SLX4: variants seen among roughly 807,000 people sequenced by gnomAD.
The protein encoded by SLX4 is structure-specific endonuclease subunit SLX4.
In SLX4, 112 loss-of-function variants were observed where a neutral mutation model predicts 146.2. That is an observed-to-expected ratio of 0.77 (90% CI 0.66 to 0.90). The LOEUF (loss-of-function observed/expected upper bound fraction) is 0.90, where lower values mean the gene tolerates loss of function less well. Ranked by LOEUF, SLX4 falls within the 40% of genes least tolerant of loss-of-function variation. The probability of loss-of-function intolerance (pLI) is 0.00; values close to 1 mark genes in which losing one functional copy is unlikely to be tolerated. For missense variants in SLX4, 2,563 were observed against 2,392.7 expected (o/e 1.07, Z -1.49); for synonymous variants, 1,061 against 997.7 (o/e 1.06, Z -1.20).
rs544449642 is a variant in SLX4, at chr16:3,582,147, C to T, written c.*195G>A. On this transcript the variant is annotated 3_prime_UTR_variant, in exon 15 of 15. Transcript: ENST00000294008. ...AGTGGGTGACATGCTCCAAATGCCA[C>T]CCTAGAAAGCAGAGCCCAGAGGAGG... The T allele has an allele frequency of 1.7e-6, 1 of 603,326 alleles. No homozygotes were observed. The highest frequency in any genetic ancestry group is 1.8e-5 in the African/African-American group (1 of 54,068). 37.4% of individuals were successfully genotyped at this position (603,326 alleles called of 1,614,324 possible).
At chr16:3,594,387 T>TGGAGAAAGGCAGGAGGAGAGAG in intron 10 of SLX4, 66 bp downstream of exon 10, 2 of 1,563,836 alleles carry the variant, frequency 1.3e-6, no homozygotes, top group Non-Finnish European at 1.7e-6. Flanking sequence ...AAGACCTGGT[T>TGGAGAAAGGCAGGAGGAGAGAG]GGAGAAAGGC....
At chr16:3,595,797 G>T in intron 8 of SLX4, 104 bp from the exon 9 acceptor site, 1 of 1,330,456 alleles carries the variant, frequency 7.5e-7, no homozygotes, top group Non-Finnish European at 1.1e-6. Flanking sequence ...GCGGTGCCTC[G>T]GAAGGTGCTT....
intron 13 of SLX4, 32 bp downstream of exon 13, chr16:3,584,737 A>G (rs779534704): frequency 6.6e-7 from 1 of 1,524,440 alleles, no homozygotes; most frequent in South Asian, 1.1e-5. Context: ...GGAAAAGACC[A>G]CTGTGGGCAA....
intron 3 of SLX4, 41 bp from the exon 4 acceptor site, chr16:3,602,348 A>C (rs774703734): frequency 3.1e-6 from 5 of 1,607,574 alleles, no homozygotes; most frequent in East Asian, 2.2e-5. Flanking sequence ...TAAACTCCAA[A>C]GACAAGCTCA....
Position 3,590,575 on chromosome 16 carries a change from G to T in SLX4, c.3063C>A (p.Arg1021=). Residue 1021 remains arginine, a synonymous_variant, in exon 12 of 15, where the codon CGC becomes CGA. Coordinates refer to ENST00000294008, the MANE Select transcript of SLX4 (RefSeq NM_032444.4). The surrounding 1 kb of genome is among the most constrained non-coding windows in gnomAD (Gnocchi z 4.8). Reference sequence around the variant, plus strand: ...GTGGAGATGCCTGCCAGGGAGCCAGGCGATGAGAAACCTCCAGCCCCCTTT... The same window carrying T: ...GTGGAGATGCCTGCCAGGGAGCCAGTCGATGAGAAACCTCCAGCCCCCTTT... ...VRERGLEVSH[R]LAPWQASPPH... The T allele has an allele frequency of 1.2e-6, 2 of 1,612,930 alleles. No homozygotes were observed. Among genetic ancestry groups the T allele is most frequent in the East Asian group, 2.2e-5 (1 of 44,854 alleles).
intron 8 of SLX4, 59 bp from the exon 9 acceptor site, chr16:3,595,752 G>T: frequency 3.1e-6 from 5 of 1,590,554 alleles, no homozygotes; most frequent in Non-Finnish European, 4.3e-6. Context: ...CCACCACCAA[G>T]AAGACAGCGT....
Position 3,589,483 on chromosome 16 carries a change from G to A in SLX4, c.4155C>T (p.Asn1385=), listed in dbSNP as rs1308197455. 1 of 1,610,394 alleles carries A rather than the reference G, an allele frequency of 6.2e-7. No individual in the cohort carries two copies. The highest frequency in any genetic ancestry group is 1.7e-5 in the Admixed American group (1 of 59,982). The change falls in exon 12 of 15, where the codon AAC becomes AAT. Residue 1385 remains asparagine (N), a synonymous_variant. Coordinates refer to ENST00000294008, the MANE Select transcript of SLX4 (RefSeq NM_032444.4). The surrounding 1 kb of genome is among the most constrained non-coding windows in gnomAD (Gnocchi z 6.2). The part of the protein sequence containing the change: ...KHSPPGPSFL[N]QTPAGEVVEV... ...CCACCACTTCACCCGCTGGGGTCTG[G>A]TTCAGGAAGCTTGGCCCAGGCGGCG...
chr16:3,594,643 C>T, intron 9 of SLX4, 44 bp from the exon 10 acceptor site: 1 of 1,613,246 alleles, frequency 6.2e-7, no homozygotes, highest in Non-Finnish European at 8.5e-7. Flanking sequence ...CCCACCTCTG[C>T]TCTGCTAACT....
rs2151121622 is a variant in SLX4 at position 3,589,340 on chromosome 16, A to G, written c.4298T>C (p.Leu1433Pro). 1.3e-6 allele frequency: 2 copies of G among 1,578,160 alleles called. No individual in the cohort carries two copies. Among genetic ancestry groups the G allele is most frequent in the Non-Finnish European group, 8.6e-7 (1 of 1,160,020 alleles). Reference sequence around the variant, plus strand: ...CCAGTGGTCAATGGGAATTGGCGAGAGGGGCTCCATGTGCCAGCAGCAGTC... The same window carrying G: ...CCAGTGGTCAATGGGAATTGGCGAGGGGGGCTCCATGTGCCAGCAGCAGTC... ...IDDCCWHMEP[L>P]SPIPIDHWNL... The change falls in exon 12 of 15, where the codon CTC (leucine) becomes CCC (proline). Residue 1433 changes from leucine to proline, a missense_variant. Physicochemically the swap from Leu to Pro is moderately conservative, Grantham distance 98. Coordinates refer to ENST00000294008, the MANE Select transcript of SLX4 (RefSeq NM_032444.4). This position sits in a 1 kb window ranked among gnomAD's most constrained non-coding sequence, Gnocchi z 6.2.
In SLX4 at chr16:3,581,809, G is replaced by A. The variant is rs193089761; in HGVS notation, c.*533C>T. 83 of 167,130 alleles carry A rather than the reference G, an allele frequency of 5.0e-4. No individual in the cohort carries two copies. Among genetic ancestry groups the A allele is most frequent in the African/African-American group, 2.0e-3 (83 of 41,832 alleles). The allele number at this position is 167,130 out of a possible 1,614,324, so 10.4% of individuals were successfully genotyped here. A position where few individuals can be genotyped will look rare whatever the true frequency, so the allele number is the denominator to read the frequency against. ...TGTGATCCCAGCACTTTGGGAGGCC[G>A]CAGCAGGCGGATTGCCTGAGCTCTG... On this transcript the variant is annotated 3_prime_UTR_variant, in exon 15 of 15. Transcript: ENST00000294008.
intron 12 of SLX4, among the ~76,000 whole-genome samples, chr16:3,588,686 G>A (rs1345524933): frequency 6.6e-6 from 1 of 152,228 alleles, no homozygotes; most frequent in Non-Finnish European, 1.5e-5. Flanking sequence ...TGCTGAATGA[G>A]TTGTGGCCTT....
chr16:3,611,598 CG>C lies in SLX4; in HGVS notation c.-642del, dbSNP rs2151143512. The C allele has an allele frequency of 6.6e-6, 1 of 152,200 alleles. No homozygotes were observed. 9.4% of individuals were successfully genotyped at this position (152,200 alleles called of 1,614,324 possible). On this transcript the variant is annotated 5_prime_UTR_variant, in exon 1 of 15. Transcript: ENST00000294008. ...GCGGCACCTTCTTAACGGAGACTCG[CG>C]CGCCTGCGCATGCGCCGCCCGCGCC...
At chr16:3,592,046 C>G (rs1227573286) in intron 11 of SLX4, among the ~76,000 whole-genome samples, 1 of 152,242 alleles carries the variant, frequency 6.6e-6, no homozygotes, top group Non-Finnish European at 1.5e-5. Flanking sequence ...CACAGCACAC[C>G]AAGTCCTTGA....
chr16:3,582,450 G>A lies in SLX4; in HGVS notation c.5397C>T (p.Asp1799=). ...GLRVSSRRLL[D]FLDTHCITFT... is the part of the protein sequence containing the mutation. ...AGGTGATACAGTGGGTGTCCAGGAA[G>A]TCCAACAGCCTGCGCGAGGACACAC... is the stretch of plus-strand genomic sequence containing the variant. Residue 1799 remains aspartate (D), a synonymous_variant, in exon 15 of 15, where the codon GAC becomes GAT. Coordinates refer to ENST00000294008, the MANE Select transcript of SLX4 (RefSeq NM_032444.4). 6.2e-7 allele frequency: 1 copy of A among 1,613,992 alleles called. No individual in the cohort carries two copies. Among genetic ancestry groups the A allele is most frequent in the Non-Finnish European group, 8.5e-7 (1 of 1,180,046 alleles).
rs886051979 is a variant in SLX4 at position 3,597,838 on chromosome 16, C to G, written c.1325G>C (p.Arg442Thr). ...CCTCTCAGAAAAGGCACTTTCCAGC[C>G]TGAGCGCTGGTACAGCCGCACCCGG... ...MEPGAAVPAL[R>T]LESAFSERIR... The change falls in exon 6 of 15, where the codon AGG becomes ACG. Residue 442 changes from arginine to threonine, a missense_variant. Coordinates refer to ENST00000294008, the MANE Select transcript of SLX4 (RefSeq NM_032444.4). This position sits in a 1 kb window ranked among gnomAD's most constrained non-coding sequence, Gnocchi z 4.4. 7 of 1,614,156 alleles carry G rather than the reference C, an allele frequency of 4.3e-6. No individual in the cohort carries two copies. The highest frequency in any genetic ancestry group is 5.9e-6 in the Non-Finnish European group (7 of 1,180,026).
In SLX4 at chr16:3,584,905, T is replaced by C. The variant is rs1301770040; in HGVS notation, c.4637-34A>G. The C allele has an allele frequency of 3.5e-6, 5 of 1,445,748 alleles. No homozygotes were observed. In the Admixed American group the frequency reaches 5.0e-5, roughly 14 times the overall value. The allele number at this position is 1,445,748 out of a possible 1,614,324, so 89.6% of individuals were successfully genotyped here. On this transcript the variant is annotated intron_variant, in intron 12 of 14. Transcript: ENST00000294008. Reference sequence around the variant, plus strand: ...AACAAAAGAAGCACACGTTTTAGCATGAGGGACACGGATTTCCCACATCTG... The same window carrying C: ...AACAAAAGAAGCACACGTTTTAGCACGAGGGACACGGATTTCCCACATCTG...
rs370555807 is a variant in SLX4 at position 3,585,559 on chromosome 16, C to G, written c.4637-688G>C. Among the ~76,000 whole-genome samples the G allele has an allele frequency of 4.8e-3, 679 of 142,578 alleles. 3 individuals carry two copies. The highest frequency in any genetic ancestry group is 0.019 in the Middle Eastern group (5 of 266). 93.5% of individuals were successfully genotyped at this position (142,578 alleles called of 152,430 possible). On this transcript the variant is annotated intron_variant, in intron 12 of 14. Coordinates refer to ENST00000294008, the MANE Select transcript of SLX4 (RefSeq NM_032444.4). ...CGAGATCACACCACTGCACTCCAGC[C>G]TGGGCGACAGAGCAAGACTCTGTCT... is the stretch of plus-strand genomic sequence containing the variant.
intron 14 of SLX4, 114 bp downstream of exon 14, chr16:3,582,983 G>A: frequency 7.2e-7 from 1 of 1,391,090 alleles, no homozygotes; most frequent in Non-Finnish European, 1.0e-6. Context: ...GTCAAACCCA[G>A]AAGGTGACGG....
rs2040646135 is a variant in SLX4 at position 3,595,826 on chromosome 16, C to T, written c.1925-133G>A. ...GGTGCTTGCTATCCGAGGACACCTT[C>T]ATGCAAAGCAAACCCGCACACCCTG... On this transcript the variant is annotated intron_variant, in intron 8 of 14. Coordinates refer to ENST00000294008, the MANE Select transcript of SLX4 (RefSeq NM_032444.4). 1.0e-5 allele frequency: 11 copies of T among 1,066,416 alleles called. No individual in the cohort carries two copies. The South Asian group carries it at 1.5e-4, about 14-fold the overall frequency. 66.1% of individuals were successfully genotyped at this position (1,066,416 alleles called of 1,614,324 possible).
Sources: allele counts gnomAD v4.1 joint callset (sites outside exome capture counted in the v4.1 genomes callset), GRCh38; gene constraint gnomAD v4.1.1; non-coding constraint Gnocchi (gnomAD v3.1); transcripts MANE v1.5; gene names NCBI Gene and HGNC (gene_info 2026-07-23, HGNC 2026-07-21).